FUS: variants seen among roughly 807,000 people sequenced by gnomAD.
FUS encodes RNA-binding protein FUS.
Under a neutral mutation model 82.7 loss-of-function variants are expected in FUS, and 5 were observed. The ratio of observed to expected loss-of-function variants is 0.06; its 90% CI spans 0.03 to 0.13. The LOEUF (loss-of-function observed/expected upper bound fraction) is 0.13. FUS is among the 10% of genes least tolerant of loss of function. The probability of loss-of-function intolerance (pLI) is 1.00; values close to 1 mark genes in which losing one functional copy is unlikely to be tolerated. For synonymous variants in FUS, 281 were observed against 247.4 expected, an observed-to-expected ratio of 1.14 and a Z score of -1.27; for missense variants, 512 against 707.8, an observed-to-expected ratio of 0.72 and a Z score of 3.14.
downstream of FUS, chr16:31,193,697 GAC>G (rs1567482563): frequency 9.4e-6 from 5 of 532,604 alleles, no homozygotes; most frequent in Non-Finnish European, 1.8e-5. Flanking sequence ...AATGGATAGA[GAC>G]ACCTAGCAGC....
chr16:31,187,770 C>G (rs1164067451), intron 7 of FUS: 1 of 237,290 alleles, frequency 4.2e-6, no homozygotes, highest in Non-Finnish European at 8.3e-6. Context: ...CTGGGACATG[C>G]TTAAAAAATA....
Position 31,186,583 on chromosome 16 carries a change from CA to C in FUS, c.765-215del, listed in dbSNP as rs1596901457. The C allele has an allele frequency of 1.0e-5, 6 of 594,606 alleles. No individual in the cohort carries two copies. In the East Asian group the frequency reaches 1.4e-4, roughly 14 times the overall value. The allele number at this position is 594,606 out of a possible 1,614,324, so 36.8% of individuals were successfully genotyped here. A position where few individuals can be genotyped will look rare whatever the true frequency, so the allele number is the denominator to read the frequency against. On this transcript the variant is annotated intron_variant, in intron 6 of 14. Coordinates refer to ENST00000254108, the MANE Select transcript of FUS (RefSeq NM_004960.4). ...AAATAGATAACGTAACCTTTTAAAGCAAAATCTTTATAAACTGTGTCTGAGA... is the reference window on the plus strand; with the variant it reads ...AAATAGATAACGTAACCTTTTAAAGCAAATCTTTATAAACTGTGTCTGAGA...
Position 31,180,149 on chromosome 16 carries a change from C to A in FUS, c.-66C>A. 1.9e-6 allele frequency: 3 copies of A among 1,588,764 alleles called. No individual in the cohort carries two copies. Among genetic ancestry groups the A allele is most frequent in the Non-Finnish European group, 2.6e-6 (3 of 1,167,048 alleles). On this transcript the variant is annotated 5_prime_UTR_variant, in exon 1 of 15. Coordinates refer to ENST00000254108, the MANE Select transcript of FUS (RefSeq NM_004960.4). Reference sequence around the variant, plus strand: ...GCAGGAGGCGGGGCTGCTCAGTCCTCCAGGCGTCGGTACTCAGCGGTGTTG... The same window carrying A: ...GCAGGAGGCGGGGCTGCTCAGTCCTACAGGCGTCGGTACTCAGCGGTGTTG...
At chr16:31,188,092 T>C in intron 7 of FUS, 1 of 584,574 alleles carries the variant, frequency 1.7e-6, no homozygotes, top group South Asian at 2.1e-5. Context: ...AAGTGTGGAG[T>C]TGTCTCTGTG....
At chr16:31,191,687 A>G (rs1411461440), downstream of FUS, 2 of 687,174 alleles carry the variant, frequency 2.9e-6, no homozygotes, top group South Asian at 3.0e-5. Context: ...TGTTCAGATT[A>G]CCCTGCCCAG....
At chr16:31,193,759 A>G, downstream of FUS, 1 of 531,272 alleles carries the variant, frequency 1.9e-6, no homozygotes, top group Non-Finnish European at 3.6e-6. Context: ...CAGCCTCCCA[A>G]GTAGCTGGGA....
chr16:31,180,890 C>G (rs1472821937), intron 1 of FUS, among the ~76,000 whole-genome samples: 3 of 151,430 alleles, frequency 2.0e-5, no homozygotes, highest in Non-Finnish European at 4.4e-5. Flanking sequence ...GGGGACGGCC[C>G]GAGAGTTTTT....
At chr16:31,185,420 CAA>C in intron 6 of FUS, 2 of 616,664 alleles carry the variant, frequency 3.2e-6, no homozygotes, top group Admixed American at 2.6e-5. Context: ...TACTTGTTTC[CAA>C]AAAAAAAGAA....
intron 9 of FUS, 145 bp downstream of exon 9, chr16:31,189,371 C>T: frequency 1.2e-6 from 1 of 806,614 alleles, no homozygotes; most frequent in Non-Finnish European, 2.2e-6. Context: ...GAGGAAAGAG[C>T]CTTAGTTACT....
At chr16:31,180,132 C>T (rs778510762), upstream of FUS, 10 of 1,559,250 alleles carry the variant, frequency 6.4e-6, no homozygotes, top group African/African-American at 2.7e-5. Flanking sequence ...ACGCAGGAGG[C>T]GGGGCTGCTC....
At chr16:31,182,243 G>A (rs777923576) in intron 1 of FUS, 155 bp from the exon 2 acceptor site, 4 of 831,862 alleles carry the variant, frequency 4.8e-6, no homozygotes, top group Non-Finnish European at 8.2e-6. Flanking sequence ...CACCCACCTC[G>A]GCCTCCCAAA....
downstream of FUS, chr16:31,193,329 C>T (rs2079385308): frequency 1.9e-6 from 1 of 523,022 alleles, no homozygotes; most frequent in Non-Finnish European, 3.7e-6. Flanking sequence ...AGTGGGCCTT[C>T]CCAGGCATTG....
At chr16:31,193,859 A>C (rs752085357), downstream of FUS, 1 of 525,572 alleles carries the variant, frequency 1.9e-6, no homozygotes, top group Admixed American at 2.2e-5. Context: ...TGGGTTGCCC[A>C]GGCTGGTCTT....
chr16:31,184,274 C>T lies in FUS; in HGVS notation c.401C>T (p.Pro134Leu). The change falls in exon 5 of 15, where the codon CCT becomes CTT. Residue 134 changes from proline (P) to leucine (L), a missense_variant. Pro to Leu is a moderately conservative substitution (Grantham distance 98). Around this residue, in one of 6 missense-constraint regions of FUS, gnomAD observed 276 missense variants for 303.3 expected, o/e 0.91. Coordinates refer to ENST00000254108, the MANE Select transcript of FUS (RefSeq NM_004960.4). Reference sequence around the variant, plus strand: ...CAGAGTGGGAGCTACAGCCAGCAGCCTAGCTATGGTGGACAGCAGCAAAGC... The same window carrying T: ...CAGAGTGGGAGCTACAGCCAGCAGCTTAGCTATGGTGGACAGCAGCAAAGC... ...QPQSGSYSQQ[P>L]SYGGQQQSYG... The T allele has an allele frequency of 3.1e-6, 5 of 1,614,052 alleles. No homozygotes were observed. The South Asian group carries it at 5.5e-5, about 18-fold the overall frequency.
intron 1 of FUS, among the ~76,000 whole-genome samples, chr16:31,180,658 CCCG>C (rs974521674): frequency 1.3e-5 from 2 of 152,210 alleles, no homozygotes. Context: ...GTACCCCTTC[CCCG>C]CCTCGTGTTG....
chr16:31,192,409 T>C (rs1417795849), downstream of FUS: 1 of 522,672 alleles, frequency 1.9e-6, no homozygotes, highest in Admixed American at 2.2e-5. Flanking sequence ...GCATGCTTTT[T>C]ATTTTAGTTA....
chr16:31,180,119 T>C (rs2058031001), upstream of FUS: 1 of 1,541,346 alleles, frequency 6.5e-7, no homozygotes, highest in Non-Finnish European at 8.8e-7. Context: ...TACTTAAGCT[T>C]CGACGCAGGA....
chr16:31,189,437 C>G (rs911733332), intron 9 of FUS, among the ~76,000 whole-genome samples: 1 of 152,044 alleles, frequency 6.6e-6, no homozygotes, highest in Admixed American at 6.6e-5. Flanking sequence ...ATCAGAGTAC[C>G]CTAAACTCTT....
chr16:31,188,672 G>A, intron 8 of FUS: 1 of 507,614 alleles, frequency 2.0e-6, no homozygotes, highest in Non-Finnish European at 3.5e-6. Context: ...CTTTCAAAAT[G>A]TGGATCATGT....
Sources: allele counts gnomAD v4.1 joint callset (sites outside exome capture counted in the v4.1 genomes callset), GRCh38; gene constraint gnomAD v4.1.1; regional missense constraint gnomAD v4.1.1; transcripts MANE v1.5; gene names NCBI Gene and HGNC (gene_info 2026-07-23, HGNC 2026-07-21).